Variants in RUNX2 observed in about 807,000 individuals in gnomAD.
RUNX2 encodes RUNX family transcription factor 2.
RUNX2 carries 10 observed loss-of-function variants against 51.7 expected under a neutral mutation model. The ratio of observed to expected loss-of-function variants is 0.19; its 90% CI spans 0.12 to 0.33. RUNX2 has a LOEUF of 0.33. Ranked by LOEUF, RUNX2 falls within the 10% of genes least tolerant of loss-of-function variation. The pLI, the probability that RUNX2 is intolerant of heterozygous loss-of-function variation, is 1.00. For missense variants in RUNX2, 562 were observed against 691.3 expected (o/e 0.81, Z 2.10); for synonymous variants, 276 against 273.6 (o/e 1.01, Z -0.09).
chr6:45,513,024 A>G (rs1250124723), intron 7 of RUNX2, among the ~76,000 whole-genome samples: 1 of 152,190 alleles, frequency 6.6e-6, no homozygotes, highest in African/African-American at 2.4e-5. Context: ...CCGGCAGCCC[A>G]GTGCTCACAA....
chr6:45,476,793 T>C (rs1276596501), intron 5 of RUNX2, among the ~76,000 whole-genome samples: 1 of 152,230 alleles, frequency 6.6e-6, no homozygotes, highest in African/African-American at 2.4e-5. Flanking sequence ...AGAATACCTC[T>C]AATAGTATTT....
At chr6:45,440,652 AT>A (rs11350974) in intron 5 of RUNX2, among the ~76,000 whole-genome samples, 5,119 of 150,380 alleles carry the variant, frequency 0.034, 243 homozygotes, top group East Asian at 0.17. Context: ...TCGGATTTCA[AT>A]TTTTTTTTTT....
chr6:45,337,250 A>C (rs764860057), intron 2 of RUNX2, among the ~76,000 whole-genome samples: 2 of 151,698 alleles, frequency 1.3e-5, no homozygotes, highest in Non-Finnish European at 3.0e-5. Flanking sequence ...TTGCAATTAT[A>C]ATGTGTGATA....
At chr6:45,361,854 C>T (rs1431673885) in intron 2 of RUNX2, among the ~76,000 whole-genome samples, 1 of 152,104 alleles carries the variant, frequency 6.6e-6, no homozygotes, top group Non-Finnish European at 1.5e-5. Context: ...AGTTTGAGAC[C>T]AGCCTGGCCA....
intron 2 of RUNX2, among the ~76,000 whole-genome samples, chr6:45,381,419 A>G (rs977121322): frequency 1.3e-5 from 2 of 152,166 alleles, no homozygotes; most frequent in African/African-American, 4.8e-5. Context: ...AAAAGTATTC[A>G]GGGCTTTTCT....
intron 6 of RUNX2, among the ~76,000 whole-genome samples, chr6:45,498,204 C>T (rs1233848151): frequency 6.6e-6 from 1 of 152,210 alleles, no homozygotes; most frequent in Non-Finnish European, 1.5e-5. Context: ...CCTCCCATTT[C>T]TGTACCTCAC....
At position 45,416,549 on chromosome 6, in the gene RUNX2, C is replaced by T. The variant is rs562648003; in HGVS notation, c.59-6044C>T. Among the ~76,000 whole-genome samples the T allele has an allele frequency of 5.0e-4, 76 of 152,300 alleles. 1 individual carries two copies. The highest frequency in any genetic ancestry group is 1.8e-3 in the African/African-American group (74 of 41,578). ...TTCTTAGAAGTTTCATCACAGACCT[C>T]TGTAAACTTTTATATATAACATTCC... On this transcript the variant is annotated intron_variant, in intron 2 of 8. Transcript: ENST00000647337.
intron 5 of RUNX2, among the ~76,000 whole-genome samples, chr6:45,466,088 C>T (rs1202892305): frequency 2.6e-5 from 4 of 151,948 alleles, no homozygotes; most frequent in South Asian, 4.1e-4. Flanking sequence ...CCGAGGCGGG[C>T]GGATCACTTG....
chr6:45,475,901 C>T (rs568315395), intron 5 of RUNX2, among the ~76,000 whole-genome samples: 1 of 152,194 alleles, frequency 6.6e-6, no homozygotes, highest in Non-Finnish European at 1.5e-5. Context: ...CGATGATAAT[C>T]ATGTTTTTTC....
In RUNX2 at chr6:45,513,161, C is replaced by T. The variant is rs570033878; in HGVS notation, c.1021+754C>T. On this transcript the variant is annotated intron_variant, in intron 7 of 8. Transcript: ENST00000647337. ...GAGCCAGAAAGTGTTCACAAAAACT[C>T]CAAACTGACAAGTAGAGAAAAGTTA... is the stretch of plus-strand genomic sequence containing the variant. Among the ~76,000 whole-genome samples the T allele has an allele frequency of 5.9e-5, 9 of 152,234 alleles. No individual in the cohort carries two copies. The East Asian group carries it at 1.7e-3, about 29-fold the overall frequency.
intron 2 of RUNX2, among the ~76,000 whole-genome samples, chr6:45,406,595 G>A (rs1346900359): frequency 6.6e-6 from 1 of 152,088 alleles, no homozygotes; most frequent in Non-Finnish European, 1.5e-5. Flanking sequence ...TGGTAGAGAT[G>A]GGGTTTTGCC....
intron 3 of RUNX2, among the ~76,000 whole-genome samples, chr6:45,424,020 A>G (rs1798313265): frequency 6.6e-6 from 1 of 152,266 alleles, no homozygotes; most frequent in Non-Finnish European, 1.5e-5. Flanking sequence ...ACTTAAATCT[A>G]AAAAAGATCC....
rs1346401601 is a variant in RUNX2 at position 45,365,068 on chromosome 6, C to T, written c.58+36284C>T. 67 of 603,892 alleles carry T rather than the reference C, an allele frequency of 1.1e-4. No individual in the cohort carries two copies. The East Asian group carries it at 2.1e-3, about 19-fold the overall frequency. The allele number at this position is 603,892 out of a possible 1,614,324, so 37.4% of individuals were successfully genotyped here. On this transcript the variant is annotated intron_variant, in intron 2 of 8. Coordinates refer to ENST00000647337, the MANE Select transcript of RUNX2 (RefSeq NM_001024630.4). ...CATATGGCAATTTAAAATGTTACCA[C>T]AGTATTTCATTTTTACTTGATTAAT... is the stretch of plus-strand genomic sequence containing the variant.
intron 5 of RUNX2, among the ~76,000 whole-genome samples, chr6:45,449,802 AC>A (rs1362860641): frequency 1.3e-5 from 2 of 152,368 alleles, no homozygotes; most frequent in East Asian, 3.9e-4. Flanking sequence ...ACATTGTATA[AC>A]TTAACCTCAA....
rs140165241 is a variant in RUNX2, at chr6:45,546,838, C to G, written c.1099C>G (p.Leu367Val). 2 of 1,613,722 alleles carry G rather than the reference C, an allele frequency of 1.2e-6. No homozygotes were observed. The highest frequency in any genetic ancestry group is 1.3e-5 in the African/African-American group (1 of 74,846). Residue 367 changes from leucine to valine, a missense_variant, in exon 9 of 9, where the codon CTG becomes GTG. Leu to Val is a conservative substitution (Grantham distance 32). Around this residue, in one of 5 missense-constraint regions of RUNX2, gnomAD observed 304 missense variants for 353.2 expected, o/e 0.86. Coordinates refer to ENST00000647337, the MANE Select transcript of RUNX2 (RefSeq NM_001024630.4). ...GTTATAATTTTTAGGTGCTTCAGAA[C>G]TGGGCCCTTTTTCAGACCCCAGGCA... ...SKKSQAGASELGPFSDPRQFP... is the reference protein window; with the variant it reads ...SKKSQAGASEVGPFSDPRQFP...
intron 6 of RUNX2, among the ~76,000 whole-genome samples, chr6:45,506,684 C>A (rs1171337339): frequency 6.6e-6 from 1 of 152,132 alleles, no homozygotes; most frequent in Non-Finnish European, 1.5e-5. Context: ...GAGACAAAGT[C>A]TCGCTCTGTC....
intron 5 of RUNX2, among the ~76,000 whole-genome samples, chr6:45,440,612 T>C (rs888342064): frequency 6.6e-6 from 1 of 151,912 alleles, no homozygotes; most frequent in Non-Finnish European, 1.5e-5. Flanking sequence ...TGAGTATCCC[T>C]TATCCAAAAT....
intron 3 of RUNX2, among the ~76,000 whole-genome samples, chr6:45,425,695 TA>T (rs1310860445): frequency 2.0e-5 from 3 of 152,214 alleles, no homozygotes; most frequent in African/African-American, 7.2e-5. Flanking sequence ...ACTTTTGGAA[TA>T]AAAGCCTGAG....
intron 7 of RUNX2, among the ~76,000 whole-genome samples, chr6:45,526,495 T>C (rs1801678212): frequency 6.6e-6 from 1 of 152,250 alleles, no homozygotes; most frequent in Non-Finnish European, 1.5e-5. Context: ...CCAGGCTTTC[T>C]ATATTAAAGA....
Sources: allele counts gnomAD v4.1 joint callset (sites outside exome capture counted in the v4.1 genomes callset), GRCh38; gene constraint gnomAD v4.1.1; regional missense constraint gnomAD v4.1.1; transcripts MANE v1.5; gene names NCBI Gene and HGNC (gene_info 2026-07-23, HGNC 2026-07-21).